Variants in RSPO4 observed in about 807,000 individuals in gnomAD.
The protein encoded by RSPO4 is R-spondin-4.
RSPO4 carries 23 observed loss-of-function variants against 24.8 expected under a neutral mutation model. The observed-to-expected ratio is 0.93, with a 90% confidence interval of 0.67 to 1.31. RSPO4 has a LOEUF of 1.31. Among genes scored for constraint, RSPO4 ranks in the 40% most tolerant of loss-of-function variants. The probability of loss-of-function intolerance (pLI) is 0.00; values close to 1 mark genes in which losing one functional copy is unlikely to be tolerated. For synonymous variants in RSPO4, 141 were observed against 127.4 expected, an observed-to-expected ratio of 1.11 and a Z score of -0.72; for missense variants, 333 against 316.5, an observed-to-expected ratio of 1.05 and a Z score of -0.39.
chr20:981,038 G>T lies in RSPO4; in HGVS notation c.80-12900C>A, dbSNP rs1038231857. ...CCCGAGAACTCACTTTAAGAAGCGA[G>T]GCGGGAGATGCTGTTATCATTCCTC... On this transcript the variant is annotated intron_variant, in intron 1 of 4. Coordinates refer to ENST00000217260, the MANE Select transcript of RSPO4 (RefSeq NM_001029871.4). The surrounding 1 kb of genome is among the most constrained non-coding windows in gnomAD (Gnocchi z 4.6). Among the ~76,000 whole-genome samples the T allele has an allele frequency of 1.3e-5, 2 of 152,204 alleles. No homozygotes were observed. The highest frequency in any genetic ancestry group is 2.9e-5 in the Non-Finnish European group (2 of 68,036).
intron 1 of RSPO4, among the ~76,000 whole-genome samples, chr20:976,831 A>G (rs1307668579): frequency 1.3e-5 from 2 of 152,156 alleles, no homozygotes; most frequent in Non-Finnish European, 2.9e-5. Context: ...ACTAATTTGG[A>G]TAGATTTCTA....
At chr20:1,001,464 G>A (rs984957998) in intron 1 of RSPO4, among the ~76,000 whole-genome samples, 29 of 152,190 alleles carry the variant, frequency 1.9e-4, no homozygotes, top group African/African-American at 5.3e-4. Flanking sequence ...TCTTCCTAGT[G>A]GCCTGAGAGG....
At chr20:962,750 CG>C (rs1275686277) in intron 4 of RSPO4, among the ~76,000 whole-genome samples, 1 of 152,154 alleles carries the variant, frequency 6.6e-6, no homozygotes, top group Non-Finnish European at 1.5e-5. Flanking sequence ...CTGGGTGCCC[CG>C]GGTGGCCTGG....
At chr20:990,512 C>T (rs1046512602) in intron 1 of RSPO4, among the ~76,000 whole-genome samples, 1 of 128,272 alleles carries the variant, frequency 7.8e-6, no homozygotes, top group Non-Finnish European at 1.5e-5. Context: ...TTTCCTTCCT[C>T]CCTCCCTCCC....
chr20:967,764 A>C (rs1984260578), intron 2 of RSPO4, among the ~76,000 whole-genome samples, 186 bp downstream of exon 2: 1 of 152,238 alleles, frequency 6.6e-6, no homozygotes, highest in Non-Finnish European at 1.5e-5. Context: ...AGTGCTAATT[A>C]AGGCTGAGAG....
intron 3 of RSPO4, among the ~76,000 whole-genome samples, chr20:964,721 C>T (rs752812850): frequency 1.1e-4 from 17 of 148,928 alleles, no homozygotes; most frequent in Non-Finnish European, 1.3e-4. Flanking sequence ...TATATATATA[C>T]ACATATATAT....
Position 960,221 on chromosome 20 carries a change from A to G in RSPO4, c.*136T>C. On this transcript the variant is annotated 3_prime_UTR_variant, in exon 5 of 5. Transcript: ENST00000217260. ...AAAGGGAAGGTAGACTGACAGAAAA[A>G]TGATAGAAGGGTGGAAAGAAAGAGA... The G allele has an allele frequency of 1.6e-6, 1 of 640,386 alleles. No homozygotes were observed. The highest frequency in any genetic ancestry group is 2.7e-5 in the East Asian group (1 of 36,386). The allele number at this position is 640,386 out of a possible 1,614,324, so 39.7% of individuals were successfully genotyped here.
chr20:976,685 C>T (rs1984575191), intron 1 of RSPO4, among the ~76,000 whole-genome samples: 1 of 152,028 alleles, frequency 6.6e-6, no homozygotes, highest in South Asian at 2.1e-4. Flanking sequence ...TGCAGGGTGA[C>T]ATCTGGGACG....
intron 3 of RSPO4, among the ~76,000 whole-genome samples, chr20:966,699 T>C (rs1294521327): frequency 2.0e-5 from 3 of 152,052 alleles, no homozygotes; most frequent in African/African-American, 4.8e-5. Flanking sequence ...TACAAAAACA[T>C]AAACGCATAG....
intron 1 of RSPO4, among the ~76,000 whole-genome samples, chr20:988,024 G>T (rs1284552821): frequency 1.3e-5 from 2 of 152,244 alleles, no homozygotes; most frequent in African/African-American, 4.8e-5. Flanking sequence ...GCAGGAGGGA[G>T]GGCCTGGGCT....
In RSPO4 at chr20:992,669, C is replaced by T. The variant is rs988405134; in HGVS notation, c.79+9417G>A. 3.9e-5 allele frequency among the ~76,000 whole-genome samples: 6 copies of T among 152,108 alleles called. No homozygotes were observed. The East Asian group carries it at 7.7e-4, about 20-fold the overall frequency. On this transcript the variant is annotated intron_variant, in intron 1 of 4. Transcript: ENST00000217260. ...TCCCCATTGTATTGACAGACAACATCGAGATTCAGGAGTCAAATACTGTCA... is the reference window on the plus strand; with the variant it reads ...TCCCCATTGTATTGACAGACAACATTGAGATTCAGGAGTCAAATACTGTCA...
intron 1 of RSPO4, among the ~76,000 whole-genome samples, chr20:987,847 T>C (rs1319827993): frequency 1.3e-5 from 2 of 152,226 alleles, no homozygotes; most frequent in Non-Finnish European, 1.5e-5. Flanking sequence ...AGCTTGTTCC[T>C]TCCACAGATA....
intron 1 of RSPO4, among the ~76,000 whole-genome samples, chr20:974,769 T>C (rs6140836): frequency 0.13 from 20,135 of 152,088 alleles, 1,627 homozygotes; most frequent in East Asian, 0.37. Context: ...ATGGAGGCCA[T>C]ACAGCAGAAA....
intron 1 of RSPO4, among the ~76,000 whole-genome samples, chr20:975,595 G>A (rs1211463878): frequency 6.6e-6 from 1 of 152,170 alleles, no homozygotes; most frequent in African/African-American, 2.4e-5. Context: ...GAATGAGAGT[G>A]GAATCAAACA....
Position 960,351 on chromosome 20 carries a change from C to CGGCGGTCAGGGCTGCAGGCCG in RSPO4, c.690_*5dup. 1 of 1,533,106 alleles carries CGGCGGTCAGGGCTGCAGGCCG rather than the reference C, an allele frequency of 6.5e-7. No homozygotes were observed. Among genetic ancestry groups the CGGCGGTCAGGGCTGCAGGCCG allele is most frequent in the South Asian group, 1.2e-5 (1 of 83,926 alleles). 95.0% of individuals were successfully genotyped at this position (1,533,106 alleles called of 1,614,324 possible). A position where few individuals can be genotyped will look rare whatever the true frequency, so the allele number is the denominator to read the frequency against. ...ACTAGGACCAGAGAGTCGGGAGAGC[C>CGGCGGTCAGGGCTGCAGGCCG]GGCGGTCAGGGCTGCAGGCCGGGCT... On this transcript the variant is annotated 3_prime_UTR_variant, in exon 5 of 5. Transcript: ENST00000217260.
intron 1 of RSPO4, among the ~76,000 whole-genome samples, chr20:980,323 G>A (rs901380076): frequency 6.6e-6 from 1 of 152,084 alleles, no homozygotes; most frequent in African/African-American, 2.4e-5. Flanking sequence ...CTGACGCCTT[G>A]CTAAGTTCCC....
intron 1 of RSPO4, among the ~76,000 whole-genome samples, chr20:971,235 G>C (rs1984396755): frequency 1.3e-5 from 2 of 152,254 alleles, no homozygotes; most frequent in South Asian, 4.1e-4. Context: ...CTCCTAGAGA[G>C]CTTGTTAGAA....
chr20:967,385 G>T, intron 2 of RSPO4, 71 bp from the exon 3 acceptor site: 1 of 1,532,224 alleles, frequency 6.5e-7, no homozygotes, highest in South Asian at 1.1e-5. Flanking sequence ...TCTGCCCGAG[G>T]TGGAAGGCCC....
intron 1 of RSPO4, among the ~76,000 whole-genome samples, chr20:980,780 T>G (rs1349622427): frequency 6.6e-6 from 1 of 152,176 alleles, no homozygotes; most frequent in African/African-American, 2.4e-5. Context: ...CACCTGAGGC[T>G]GCTTATTAAA....
Sources: gnomAD v4.1 joint callset for allele counts (sites outside exome capture counted in the v4.1 genomes callset) on GRCh38, gnomAD v4.1.1 for gene constraint, Gnocchi (gnomAD v3.1) non-coding constraint, MANE v1.5 for transcripts, NCBI Gene and HGNC (gene_info 2026-07-23, HGNC 2026-07-21) for gene names.